Variants in ZFAT observed in about 807,000 individuals in gnomAD.
ZFAT encodes the protein zinc finger protein ZFAT.
In ZFAT, 64 loss-of-function variants were observed where a neutral mutation model predicts 117.7. The observed-to-expected ratio is 0.54, with a 90% confidence interval of 0.44 to 0.67. The LOEUF is 0.67. ZFAT is among the 30% of genes least tolerant of loss of function. The probability of loss-of-function intolerance (pLI) is 0.00; values close to 1 mark genes in which losing one functional copy is unlikely to be tolerated. For synonymous variants in ZFAT, 679 were observed against 615.0 expected (o/e 1.10, Z -1.54); for missense variants, 1,433 against 1,584.5 (o/e 0.90, Z 1.62).
intron 1 of ZFAT, among the ~76,000 whole-genome samples, chr8:134,711,151 T>C (rs1313649370): frequency 6.6e-6 from 1 of 152,098 alleles, no homozygotes; most frequent in African/African-American, 2.4e-5. Context: ...TTGAGAAAAA[T>C]AGAGATGGGG....
chr8:134,564,883 G>T (rs1004616520), intron 11 of ZFAT: 1 of 1,060,116 alleles, frequency 9.4e-7, no homozygotes, highest in Non-Finnish European at 1.2e-6. Context: ...CTGAGCCCCT[G>T]CAACATGCTG....
the ZFAT span, among the ~76,000 whole-genome samples, chr8:134,814,894 T>C: frequency 6.6e-6 from 1 of 152,230 alleles, no homozygotes; most frequent in African/African-American, 2.4e-5. Flanking sequence ...CTATCTTCTC[T>C]CATTCCACAT....
chr8:134,734,959 C>T, the ZFAT span, among the ~76,000 whole-genome samples: 2 of 152,172 alleles, frequency 1.3e-5, no homozygotes, highest in African/African-American at 4.8e-5. Context: ...CTGTCAACAG[C>T]TCAGTCTCCA....
intron 15 of ZFAT, 34 bp downstream of exon 15, chr8:134,509,585 C>A: frequency 6.2e-7 from 1 of 1,611,744 alleles, no homozygotes; most frequent in Non-Finnish European, 8.5e-7. Context: ...GTGAGACACA[C>A]AGAGATGAAT....
intron 11 of ZFAT, among the ~76,000 whole-genome samples, chr8:134,548,714 GTC>G (rs1822892857): frequency 6.9e-6 from 1 of 145,628 alleles, no homozygotes; most frequent in Non-Finnish European, 1.6e-5. Context: ...TGCATACTGT[GTC>G]CCTACCACCT....
At chr8:134,585,609 C>T (rs964531289) in intron 9 of ZFAT, among the ~76,000 whole-genome samples, 5 of 152,196 alleles carry the variant, frequency 3.3e-5, no homozygotes, top group Admixed American at 6.5e-5. Context: ...TGCCCACCCA[C>T]GGGCCGGCTG....
At chr8:134,546,226 T>C (rs77936369) in intron 11 of ZFAT, among the ~76,000 whole-genome samples, 3 of 152,252 alleles carry the variant, frequency 2.0e-5, no homozygotes, top group Non-Finnish European at 4.4e-5. Flanking sequence ...CTAGAGGAAA[T>C]ATTAACTATA....
chr8:134,674,691 C>T (rs567376741), intron 1 of ZFAT: 14 of 178,838 alleles, frequency 7.8e-5, no homozygotes, highest in Non-Finnish European at 1.7e-4. Flanking sequence ...CCCGTGTATC[C>T]AGACTGGGAG....
chr8:134,605,882 C>T (rs1047209629), intron 5 of ZFAT, among the ~76,000 whole-genome samples: 8 of 152,188 alleles, frequency 5.3e-5, no homozygotes, highest in Admixed American at 1.3e-4. Context: ...GGCCAGCCTA[C>T]GTACTAAATA....
the ZFAT span, among the ~76,000 whole-genome samples, chr8:134,829,908 G>A: frequency 6.6e-6 from 1 of 152,156 alleles, no homozygotes; most frequent in East Asian, 1.9e-4. Context: ...ATATAGAAAT[G>A]TGTGTATAGT....
chr8:134,535,940 G>A (rs1362419928), intron 11 of ZFAT, among the ~76,000 whole-genome samples: 2 of 152,166 alleles, frequency 1.3e-5, no homozygotes, highest in African/African-American at 4.8e-5. Flanking sequence ...CGGGCAGTCA[G>A]TGGGCATAAA....
the ZFAT span, chr8:134,795,118 A>G: frequency 2.0e-5 from 3 of 152,224 alleles, no homozygotes; most frequent in Admixed American, 6.5e-5. Context: ...TGTGAAATAT[A>G]TATTTGCTCT....
chr8:134,580,928 T>A (rs941405163), intron 10 of ZFAT, among the ~76,000 whole-genome samples: 4 of 152,140 alleles, frequency 2.6e-5, no homozygotes, highest in African/African-American at 7.2e-5. Flanking sequence ...ACAGAAAGAA[T>A]CATGGAAGAT....
At chr8:134,797,198 G>A in the ZFAT span, 12 of 151,968 alleles carry the variant, frequency 7.9e-5, no homozygotes, top group African/African-American at 2.9e-4. Flanking sequence ...CTACACATAG[G>A]AAAATAATTT....
chr8:134,664,433 G>C (rs2131233217), intron 1 of ZFAT, among the ~76,000 whole-genome samples: 1 of 152,328 alleles, frequency 6.6e-6, no homozygotes, highest in East Asian at 1.9e-4. Context: ...CTGACAGTCA[G>C]ACTCCCCAGG....
the ZFAT span, among the ~76,000 whole-genome samples, chr8:134,786,618 G>A: frequency 6.6e-6 from 1 of 151,928 alleles, no homozygotes; most frequent in Non-Finnish European, 1.5e-5. Context: ...ATCCTTACTT[G>A]GTCACAATGA....
rs1441852865 is a variant in ZFAT at position 134,653,269 on chromosome 8, T to TAAAAAAA, written c.196+4291_196+4292insTTTTTTT. 7.9e-4 allele frequency among the ~76,000 whole-genome samples: 78 copies of TAAAAAAA among 99,140 alleles called. 2 individuals carry two copies. Among genetic ancestry groups the TAAAAAAA allele is most frequent in the East Asian group, 7.0e-3 (18 of 2,562 alleles). 65.0% of individuals were successfully genotyped at this position (99,140 alleles called of 152,430 possible). On this transcript the variant is annotated intron_variant, in intron 2 of 15. Transcript: ENST00000377838. ...CTTGGAACCAACCCAAATGTCTTTT[T>TAAAAAAA]TAAAAAAAAAAAAAAAAAAAAACAA...
At chr8:134,672,155 A>G (rs1315142509) in intron 1 of ZFAT, among the ~76,000 whole-genome samples, 1 of 152,280 alleles carries the variant, frequency 6.6e-6, no homozygotes, top group Non-Finnish European at 1.5e-5. Flanking sequence ...GGAAGAATCA[A>G]TATTGTGAAA....
intron 12 of ZFAT, among the ~76,000 whole-genome samples, chr8:134,530,888 T>C (rs1310807647): frequency 2.0e-5 from 3 of 152,204 alleles, no homozygotes; most frequent in Non-Finnish European, 4.4e-5. Flanking sequence ...TAGGAGGATG[T>C]GTGTAGCCTT....
Sources: gnomAD v4.1 joint callset for allele counts (sites outside exome capture counted in the v4.1 genomes callset) on GRCh38, gnomAD v4.1.1 for gene constraint, MANE v1.5 for transcripts, NCBI Gene and HGNC (gene_info 2026-07-23, HGNC 2026-07-21) for gene names.